The following NDST3 variants were observed in gnomAD, a reference collection of about 807,000 sequenced individuals.
The protein encoded by NDST3 is bifunctional heparan sulfate N-deacetylase/N-sulfotransferase 3.
A neutral mutation model predicts 96.1 loss-of-function variants in NDST3; 58 were observed. The observed-to-expected ratio is 0.60, with a 90% CI of 0.49 to 0.75. The LOEUF (loss-of-function observed/expected upper bound fraction) is 0.75, where lower values mean the gene tolerates loss of function less well. Ranked by LOEUF, NDST3 falls within the 30% of genes least tolerant of loss-of-function variation. The pLI is 0.00. For synonymous variants in NDST3, 333 were observed against 359.7 expected (o/e 0.93, Z 0.84); for missense variants, 788 against 1,034.2 (o/e 0.76, Z 3.27).
chr4:118,258,612 C>T lies in NDST3; in HGVS notation c.*2900C>T, dbSNP rs559067107. 34 of 152,042 alleles carry T rather than the reference C, an allele frequency of 2.2e-4. 1 individual carries two copies. The highest frequency in any genetic ancestry group is 7.2e-4 in the African/African-American group (30 of 41,480). The allele number at this position is 152,042 out of a possible 1,614,324, so 9.4% of individuals were successfully genotyped here. A position where few individuals can be genotyped will look rare whatever the true frequency, so the allele number is the denominator to read the frequency against. On this transcript the variant is annotated 3_prime_UTR_variant, in exon 14 of 14. Transcript: ENST00000296499. Reference sequence around the variant, plus strand: ...GTAGCATGGTACCTCATATGTACAACAATAAACTGATAGGAAAATGAAGAG... The same window carrying T: ...GTAGCATGGTACCTCATATGTACAATAATAAACTGATAGGAAAATGAAGAG...
intron 2 of NDST3, among the ~76,000 whole-genome samples, chr4:118,101,570 A>G (rs1729766427): frequency 6.6e-6 from 1 of 152,138 alleles, no homozygotes; most frequent in Non-Finnish European, 1.5e-5. Flanking sequence ...TGCTGCAGAA[A>G]TGGTTGCTTC....
intron 6 of NDST3, among the ~76,000 whole-genome samples, chr4:118,146,118 GGC>G (rs1560676738): frequency 6.6e-6 from 1 of 152,208 alleles, no homozygotes; most frequent in African/African-American, 2.4e-5. Flanking sequence ...GATGCAGTAA[GGC>G]ATGCCAGTAA....
At chr4:118,034,860 A>G (rs1032026475) in intron 1 of NDST3, among the ~76,000 whole-genome samples, 2 of 152,212 alleles carry the variant, frequency 1.3e-5, no homozygotes, top group African/African-American at 4.8e-5. Context: ...TAAGATATTC[A>G]CCAACTTATA....
chr4:118,086,972 G>C (rs1284243608), intron 2 of NDST3, among the ~76,000 whole-genome samples: 2 of 151,960 alleles, frequency 1.3e-5, no homozygotes, highest in East Asian at 3.9e-4. Flanking sequence ...GTGGTTTTAT[G>C]GTCTAAGAAA....
intron 6 of NDST3, among the ~76,000 whole-genome samples, chr4:118,182,175 T>C (rs1736648200): frequency 6.6e-6 from 1 of 152,120 alleles, no homozygotes; most frequent in African/African-American, 2.4e-5. Context: ...AGTTGGTTCA[T>C]CATGGAAGCA....
chr4:118,121,687 T>A (rs981811038), intron 4 of NDST3, among the ~76,000 whole-genome samples: 1 of 152,060 alleles, frequency 6.6e-6, no homozygotes, highest in African/African-American at 2.4e-5. Flanking sequence ...TGAGGAAGCA[T>A]AAGAGAATAA....
rs1729210004 is a variant in NDST3, at chr4:118,095,345, A to G, written c.982-9673A>G. ...GCCTAAGGCAAGGACCAAGTAATGT[A>G]AGGATTTTTGAACATCAGTTGTCAC... On this transcript the variant is annotated intron_variant, in intron 2 of 13. Coordinates refer to ENST00000296499, the MANE Select transcript of NDST3 (RefSeq NM_004784.3). Among the ~76,000 whole-genome samples, 4 of 152,000 alleles carry G rather than the reference A, an allele frequency of 2.6e-5. No individual in the cohort carries two copies. The South Asian group carries it at 8.3e-4, about 31-fold the overall frequency.
intron 6 of NDST3, among the ~76,000 whole-genome samples, chr4:118,163,400 A>G (rs540346250): frequency 3.3e-5 from 5 of 152,264 alleles, no homozygotes; most frequent in African/African-American, 1.2e-4. Context: ...GCACATATAC[A>G]CCATGGAATA....
At chr4:118,111,473 G>A (rs969967642) in intron 3 of NDST3, among the ~76,000 whole-genome samples, 3 of 151,692 alleles carry the variant, frequency 2.0e-5, no homozygotes, top group Non-Finnish European at 2.9e-5. Flanking sequence ...AAGAGGCCAC[G>A]ACAGTCCAAC....
At chr4:118,228,015 C>G (rs1740019459) in intron 8 of NDST3, among the ~76,000 whole-genome samples, 2 of 152,074 alleles carry the variant, frequency 1.3e-5, no homozygotes, top group African/African-American at 4.8e-5. Flanking sequence ...TTATTTGGGG[C>G]CCTTGGTTAC....
chr4:118,146,291 T>G (rs534747324), intron 6 of NDST3, among the ~76,000 whole-genome samples: 80 of 152,318 alleles, frequency 5.3e-4, no homozygotes, highest in African/African-American at 1.9e-3. Flanking sequence ...CAATTAGAAG[T>G]GCCATTTTCT....
intron 4 of NDST3, among the ~76,000 whole-genome samples, chr4:118,122,566 C>T (rs1309198682): frequency 2.6e-5 from 4 of 152,236 alleles, no homozygotes; most frequent in Non-Finnish European, 4.4e-5. Context: ...TTTCAGCCCA[C>T]ACCTAGATTA....
intron 6 of NDST3, among the ~76,000 whole-genome samples, chr4:118,196,621 A>C (rs574519134): frequency 9.3e-4 from 142 of 152,164 alleles, no homozygotes; most frequent in Admixed American, 3.3e-3. Flanking sequence ...TAGATTTTCC[A>C]ATTTTTTGGC....
rs1012187707 is a variant in NDST3, at chr4:118,257,073, T to G, written c.*1361T>G. 2 of 152,124 alleles carry G rather than the reference T, an allele frequency of 1.3e-5. No individual in the cohort carries two copies. Among genetic ancestry groups the G allele is most frequent in the Non-Finnish European group, 2.9e-5 (2 of 68,016 alleles). The allele number at this position is 152,124 out of a possible 1,614,324, so 9.4% of individuals were successfully genotyped here. On this transcript the variant is annotated 3_prime_UTR_variant, in exon 14 of 14. Coordinates refer to ENST00000296499, the MANE Select transcript of NDST3 (RefSeq NM_004784.3). ...ACATTTCAATTGTAAATAATATATA[T>G]GGTTAATAAAGTTTCCAAAAAAGAA...
At position 118,188,730 on chromosome 4, in the gene NDST3, T is replaced by C. The variant is rs1230184355; in HGVS notation, c.1540-35761T>C. Among the ~76,000 whole-genome samples, 3 of 152,170 alleles carry C rather than the reference T, an allele frequency of 2.0e-5. No homozygotes were observed. In the East Asian group the frequency reaches 5.8e-4, roughly 29 times the overall value. ...TTCTTATCCAGGCTTCATAATATGA[T>C]CCAAAAGTTATCACAAACCTATATC... is the stretch of plus-strand genomic sequence containing the variant. On this transcript the variant is annotated intron_variant, in intron 6 of 13. Coordinates refer to ENST00000296499, the MANE Select transcript of NDST3 (RefSeq NM_004784.3).
Position 118,258,134 on chromosome 4 carries a change from T to C in NDST3, c.*2422T>C, listed in dbSNP as rs1010334300. On this transcript the variant is annotated 3_prime_UTR_variant, in exon 14 of 14. Coordinates refer to ENST00000296499, the MANE Select transcript of NDST3 (RefSeq NM_004784.3). ...TGAACACTTCATCCTTTTAAATAGA[T>C]GTCAAAAACATACTCCGTGTTTGTA... 6.6e-6 allele frequency: 1 copy of C among 152,214 alleles called. No individual in the cohort carries two copies. Among genetic ancestry groups the C allele is most frequent in the African/African-American group, 2.4e-5 (1 of 41,454 alleles). The allele number at this position is 152,214 out of a possible 1,614,324, so 9.4% of individuals were successfully genotyped here.
At chr4:118,088,892 A>G (rs1369999094) in intron 2 of NDST3, among the ~76,000 whole-genome samples, 1 of 151,924 alleles carries the variant, frequency 6.6e-6, no homozygotes, top group Non-Finnish European at 1.5e-5. Context: ...AATTGCCTCT[A>G]TTATGATATT....
intron 6 of NDST3, among the ~76,000 whole-genome samples, chr4:118,192,586 T>C (rs1358448591): frequency 6.6e-6 from 1 of 152,222 alleles, no homozygotes; most frequent in Non-Finnish European, 1.5e-5. Flanking sequence ...AAAAATGAGT[T>C]TACTGTAGGT....
At chr4:118,226,812 CA>C (rs1455201899) in intron 7 of NDST3, 73 bp from the exon 8 acceptor site, 20 of 1,026,608 alleles carry the variant, frequency 1.9e-5, no homozygotes, top group Non-Finnish European at 2.8e-5. Context: ...TTAAAGAACA[CA>C]AGTTGGAAAA....
Sources: allele counts gnomAD v4.1 joint callset (sites outside exome capture counted in the v4.1 genomes callset), GRCh38; gene constraint gnomAD v4.1.1; transcripts MANE v1.5; gene names NCBI Gene and HGNC (gene_info 2026-07-23, HGNC 2026-07-21).